The following SLC9A9 variants were observed in gnomAD, a reference collection of about 807,000 sequenced individuals.
SLC9A9 encodes the protein solute carrier family 9 member A9, also known as sodium/hydrogen exchanger 9.
In SLC9A9, 62 loss-of-function variants were observed where a neutral mutation model predicts 77.8. That is an observed-to-expected ratio of 0.80 (90% confidence interval 0.65 to 0.98). The LOEUF (loss-of-function observed/expected upper bound fraction) is 0.98. SLC9A9 is among the 50% of genes least tolerant of loss of function. The pLI is 0.00. For synonymous variants in SLC9A9, 320 were observed against 283.5 expected (o/e 1.13, Z -1.29); for missense variants, 775 against 774.9 (o/e 1.00, Z 0.00).
chr3:143,398,422 CG>C (rs2033776955), intron 12 of SLC9A9, among the ~76,000 whole-genome samples: 1 of 151,928 alleles, frequency 6.6e-6, no homozygotes, highest in Admixed American at 6.6e-5. Flanking sequence ...AGGCAGGCAG[CG>C]GGTGAAAAGG....
intron 9 of SLC9A9, among the ~76,000 whole-genome samples, chr3:143,521,030 A>G (rs949966243): frequency 6.6e-6 from 1 of 152,274 alleles, no homozygotes; most frequent in South Asian, 2.1e-4. Context: ...TGTGACTAGA[A>G]TTTATATCAT....
intron 6 of SLC9A9, among the ~76,000 whole-genome samples, chr3:143,650,105 G>A (rs951231824): frequency 1.3e-5 from 2 of 152,216 alleles, no homozygotes; most frequent in African/African-American, 4.8e-5. Flanking sequence ...AGAAGCTGAA[G>A]AGGGCAACCC....
chr3:143,283,933 T>A (rs928076789), intron 14 of SLC9A9, among the ~76,000 whole-genome samples: 1 of 152,212 alleles, frequency 6.6e-6, no homozygotes, highest in Non-Finnish European at 1.5e-5. Context: ...ATAAAACCAC[T>A]AGAGAGCAAA....
intron 13 of SLC9A9, among the ~76,000 whole-genome samples, chr3:143,367,077 T>C (rs2032928404): frequency 6.6e-6 from 1 of 152,238 alleles, no homozygotes; most frequent in East Asian, 1.9e-4. Flanking sequence ...AATCCTCTCT[T>C]TTTCTCCTTT....
At chr3:143,287,964 TC>T (rs1250844230) in intron 14 of SLC9A9, among the ~76,000 whole-genome samples, 1 of 152,282 alleles carries the variant, frequency 6.6e-6, no homozygotes, top group Admixed American at 6.5e-5. Context: ...AAAAAAGTCT[TC>T]CTGGAAAAAA....
At chr3:143,652,387 G>A in intron 5 of SLC9A9, 27 bp from the exon 6 acceptor site, 1 of 1,580,170 alleles carries the variant, frequency 6.3e-7, no homozygotes, top group Middle Eastern at 1.7e-4. Context: ...AAACATGCAG[G>A]TTAGCTTGGA....
chr3:143,803,841 C>G (rs1410955203), intron 2 of SLC9A9, among the ~76,000 whole-genome samples: 1 of 152,106 alleles, frequency 6.6e-6, no homozygotes, highest in Non-Finnish European at 1.5e-5. Flanking sequence ...TCCTGTCTCC[C>G]TAAACCTGAA....
chr3:143,687,769 G>T (rs1050097184), intron 5 of SLC9A9, among the ~76,000 whole-genome samples: 3 of 151,946 alleles, frequency 2.0e-5, no homozygotes, highest in African/African-American at 7.2e-5. Context: ...GAAGCAATGA[G>T]AAATGCTATC....
intron 6 of SLC9A9, among the ~76,000 whole-genome samples, chr3:143,642,296 C>T (rs2108739682): frequency 6.6e-6 from 1 of 152,314 alleles, no homozygotes; most frequent in Admixed American, 6.5e-5. Context: ...TCTCTCCTCT[C>T]TGGTTGCTTT....
rs143450041 is a variant in SLC9A9 at position 143,708,934 on chromosome 3, G to T, written c.534-15627C>A. On this transcript the variant is annotated intron_variant, in intron 4 of 15. Transcript: ENST00000316549. ...CAAGCTAAGGCTAAAGTGATAAAAG[G>T]TTCAGAGGAGGGAAGGAGAACCATG... Among the ~76,000 whole-genome samples the T allele has an allele frequency of 1.6e-3, 248 of 152,290 alleles. 1 individual carries two copies. The highest frequency in any genetic ancestry group is 5.6e-3 in the African/African-American group (232 of 41,566).
At chr3:143,603,315 C>T (rs2037873267) in intron 6 of SLC9A9, among the ~76,000 whole-genome samples, 1 of 152,168 alleles carries the variant, frequency 6.6e-6, no homozygotes, top group African/African-American at 2.4e-5. Context: ...TCAAGATGGC[C>T]CTCAATGATC....
intron 14 of SLC9A9, among the ~76,000 whole-genome samples, chr3:143,270,167 A>G (rs1461590646): frequency 6.6e-6 from 1 of 152,244 alleles, no homozygotes; most frequent in Non-Finnish European, 1.5e-5. Flanking sequence ...TCAGATGGGC[A>G]GCTGTTGTGC....
intron 5 of SLC9A9, among the ~76,000 whole-genome samples, chr3:143,679,216 C>A (rs931532874): frequency 6.6e-6 from 1 of 152,178 alleles, no homozygotes. Context: ...TAGCTCCTTG[C>A]CACACAAAGC....
intron 5 of SLC9A9, among the ~76,000 whole-genome samples, chr3:143,676,704 TC>T (rs1296678235): frequency 6.6e-5 from 10 of 151,996 alleles, no homozygotes; most frequent in Non-Finnish European, 1.5e-4. Context: ...GCCACTGCAC[TC>T]CAGCCTGGGG....
At chr3:143,621,309 A>G (rs2038208599) in intron 6 of SLC9A9, among the ~76,000 whole-genome samples, 1 of 152,196 alleles carries the variant, frequency 6.6e-6, no homozygotes, top group African/African-American at 2.4e-5. Flanking sequence ...GAACGGACAG[A>G]CTGCCTCCTC....
At chr3:143,534,427 AT>A (rs2036558814) in intron 9 of SLC9A9, among the ~76,000 whole-genome samples, 1 of 152,232 alleles carries the variant, frequency 6.6e-6, no homozygotes, top group African/African-American at 2.4e-5. Flanking sequence ...TCTGACATTC[AT>A]TCCTGTGCTA....
At chr3:143,467,684 A>T (rs1382485235) in intron 11 of SLC9A9, among the ~76,000 whole-genome samples, 1 of 150,616 alleles carries the variant, frequency 6.6e-6, no homozygotes, top group Admixed American at 6.6e-5. Context: ...ATGAGCTAGG[A>T]TTATGCCATC....
At chr3:143,804,061 C>A (rs547472653) in intron 2 of SLC9A9, among the ~76,000 whole-genome samples, 1 of 152,136 alleles carries the variant, frequency 6.6e-6, no homozygotes, top group Non-Finnish European at 1.5e-5. Context: ...CGCTCCTTTA[C>A]GTATCTCTCA....
intron 12 of SLC9A9, among the ~76,000 whole-genome samples, chr3:143,453,039 C>T (rs748765434): frequency 7.9e-5 from 12 of 151,896 alleles, no homozygotes; most frequent in African/African-American, 9.6e-5. Flanking sequence ...GGCAAGAATG[C>T]GAAGTGAGCA....
Sources: allele counts gnomAD v4.1 joint callset (sites outside exome capture counted in the v4.1 genomes callset), GRCh38; gene constraint gnomAD v4.1.1; transcripts MANE v1.5; gene names NCBI Gene and HGNC (gene_info 2026-07-23, HGNC 2026-07-21).